COL25A1: variants seen among roughly 807,000 people sequenced by gnomAD.
The protein encoded by COL25A1 is collagen type XXV alpha 1 chain.
COL25A1 carries 103 observed loss-of-function variants against 128.4 expected under a neutral mutation model. That is an observed-to-expected ratio of 0.80 (90% CI 0.68 to 0.94). COL25A1 has a LOEUF of 0.94. Ranked by LOEUF, COL25A1 falls within the 40% of genes least tolerant of loss-of-function variation. The pLI, the probability that COL25A1 is intolerant of heterozygous loss-of-function variation, is 0.00. For synonymous variants in COL25A1, 279 were observed against 277.2 expected (o/e 1.01, Z -0.06); for missense variants, 745 against 840.0 (o/e 0.89, Z 1.40).
chr4:109,174,661 GTTA>G (rs1773912757), intron 3 of COL25A1, among the ~76,000 whole-genome samples: 1 of 152,170 alleles, frequency 6.6e-6, no homozygotes, highest in Non-Finnish European at 1.5e-5. Context: ...CCCATGTTGC[GTTA>G]TTGTGTGTTC....
intron 8 of COL25A1, among the ~76,000 whole-genome samples, chr4:108,969,841 C>T (rs1388708773): frequency 1.3e-5 from 2 of 149,042 alleles, no homozygotes; most frequent in Non-Finnish European, 2.9e-5. Flanking sequence ...TCTACTTGGT[C>T]ACCCTGCTTT....
intron 11 of COL25A1, among the ~76,000 whole-genome samples, chr4:108,926,199 T>A (rs1445071947): frequency 6.6e-6 from 1 of 152,180 alleles, no homozygotes; most frequent in Non-Finnish European, 1.5e-5. Flanking sequence ...TTAGGATGCC[T>A]CTTGGGACAT....
At chr4:109,243,134 AT>A (rs1388539619) in intron 3 of COL25A1, among the ~76,000 whole-genome samples, 2 of 152,116 alleles carry the variant, frequency 1.3e-5, no homozygotes, top group Non-Finnish European at 2.9e-5. Context: ...GTTTCTTAAT[AT>A]TAAACTATTT....
At chr4:108,895,442 TAA>T (rs1742007268) in intron 16 of COL25A1, among the ~76,000 whole-genome samples, 1 of 152,154 alleles carries the variant, frequency 6.6e-6, no homozygotes, top group Non-Finnish European at 1.5e-5. Context: ...AAGTGAAGTA[TAA>T]CATCCTTCCT....
chr4:108,851,702 T>C (rs1735796219), intron 26 of COL25A1, among the ~76,000 whole-genome samples: 1 of 152,188 alleles, frequency 6.6e-6, no homozygotes. Context: ...CTATTTTTAG[T>C]TGGTATGTTT....
At chr4:109,190,686 C>T (rs1243555609) in intron 3 of COL25A1, among the ~76,000 whole-genome samples, 1 of 152,140 alleles carries the variant, frequency 6.6e-6, no homozygotes, top group East Asian at 1.9e-4. Flanking sequence ...GTAATTTCTT[C>T]TTGAAGAAAA....
chr4:109,297,762 G>A (rs1725112128), intron 3 of COL25A1, among the ~76,000 whole-genome samples: 1 of 147,594 alleles, frequency 6.8e-6, no homozygotes, highest in Non-Finnish European at 1.5e-5. Flanking sequence ...ATACTAAAAA[G>A]AATAGTAATT....
intron 3 of COL25A1, among the ~76,000 whole-genome samples, chr4:109,274,216 A>ATGAT (rs1782393343): frequency 6.6e-6 from 1 of 152,070 alleles, no homozygotes; most frequent in South Asian, 2.1e-4. Context: ...AATTAAAAAA[A>ATGAT]TGATAATCAA....
At chr4:109,050,389 G>A (rs1469954203) in intron 3 of COL25A1, among the ~76,000 whole-genome samples, 1 of 152,092 alleles carries the variant, frequency 6.6e-6, no homozygotes, top group Admixed American at 6.6e-5. Context: ...CTAGATACAT[G>A]ATCATCTAGT....
At chr4:108,928,915 T>C (rs184800495) in intron 11 of COL25A1, among the ~76,000 whole-genome samples, 138 of 152,280 alleles carry the variant, frequency 9.1e-4, no homozygotes, top group Admixed American at 1.8e-3. Flanking sequence ...ATCTAGACAA[T>C]AGAACACCCA....
intron 3 of COL25A1, among the ~76,000 whole-genome samples, chr4:109,123,849 T>G (rs1017995933): frequency 1.3e-5 from 2 of 152,058 alleles, no homozygotes; most frequent in African/African-American, 2.4e-5. Flanking sequence ...TCCTTCATCT[T>G]GAAACCCCTG....
chr4:109,107,424 G>T (rs1766547872), intron 3 of COL25A1, among the ~76,000 whole-genome samples: 1 of 152,054 alleles, frequency 6.6e-6, no homozygotes, highest in Non-Finnish European at 1.5e-5. Flanking sequence ...AACAATTTAG[G>T]AGTAATATGT....
intron 3 of COL25A1, among the ~76,000 whole-genome samples, chr4:109,059,409 G>C (rs1761740379): frequency 6.6e-6 from 1 of 152,092 alleles, no homozygotes; most frequent in African/African-American, 2.4e-5. Flanking sequence ...TGTATTTTCT[G>C]ACACAAAAAC....
At chr4:108,816,828 A>G (rs1731295270) in intron 37 of COL25A1, among the ~76,000 whole-genome samples, 1 of 152,198 alleles carries the variant, frequency 6.6e-6, no homozygotes, top group African/African-American at 2.4e-5. Flanking sequence ...TTCTCTATAA[A>G]GAATAAACTT....
intron 3 of COL25A1, among the ~76,000 whole-genome samples, chr4:109,211,274 C>CTATATATATATATATA (rs1247369007): frequency 1.3e-4 from 2 of 15,970 alleles, no homozygotes; most frequent in South Asian, 1.1e-3. Context: ...ATATATGAAA[C>CTATATATATATATATA]TATATATATA....
intron 8 of COL25A1, among the ~76,000 whole-genome samples, chr4:108,967,767 T>C (rs1445117245): frequency 1.3e-5 from 2 of 152,118 alleles, no homozygotes; most frequent in Non-Finnish European, 2.9e-5. Context: ...CAATTATAAT[T>C]ATTATGTGAG....
At chr4:109,111,130 G>A (rs763028953) in intron 3 of COL25A1, among the ~76,000 whole-genome samples, 6 of 152,028 alleles carry the variant, frequency 3.9e-5, no homozygotes, top group African/African-American at 1.2e-4. Context: ...GTCTTTATTC[G>A]GCCATAAATT....
chr4:109,163,525 A>G (rs1229291613), intron 3 of COL25A1, among the ~76,000 whole-genome samples: 1 of 152,266 alleles, frequency 6.6e-6, no homozygotes, highest in East Asian at 1.9e-4. Flanking sequence ...ATGGAAGCAG[A>G]CTAATTGCAG....
intron 35 of COL25A1, 36 bp from the exon 36 acceptor site, chr4:108,819,365 C>A (rs1422709559): frequency 1.3e-6 from 2 of 1,522,960 alleles, no homozygotes; most frequent in Admixed American, 3.7e-5. Context: ...GTTACTAACA[C>A]AAGAAATCAC....
Sources: gnomAD v4.1 joint callset for allele counts (sites outside exome capture counted in the v4.1 genomes callset) on GRCh38, gnomAD v4.1.1 for gene constraint, MANE v1.5 for transcripts, NCBI Gene and HGNC (gene_info 2026-07-23, HGNC 2026-07-21) for gene names.